Variants in MAP2K4 observed in about 807,000 individuals in gnomAD.
MAP2K4 encodes the protein mitogen-activated protein kinase kinase 4.
In MAP2K4, 4 loss-of-function variants were observed where a neutral mutation model predicts 48.5. That is an observed-to-expected ratio of 0.08 (90% CI 0.04 to 0.19). The LOEUF (loss-of-function observed/expected upper bound fraction) is 0.19. Among genes scored for constraint, MAP2K4 ranks in the 10% least tolerant of loss-of-function variants. The pLI, the probability that MAP2K4 is intolerant of heterozygous loss-of-function variation, is 1.00. For missense variants in MAP2K4, 258 were observed against 493.3 expected (o/e 0.52, Z 4.52); for synonymous variants, 166 against 173.1 (o/e 0.96, Z 0.32).
intron 2 of MAP2K4, among the ~76,000 whole-genome samples, chr17:12,069,273 GGATC>G (rs1210972334): frequency 2.6e-5 from 4 of 152,132 alleles, no homozygotes; most frequent in Non-Finnish European, 5.9e-5. Flanking sequence ...AACAGGGAAA[GGATC>G]TCATGAAAAC....
intron 9 of MAP2K4, 115 bp downstream of exon 9, chr17:12,129,402 C>T (rs1972958268): frequency 8.2e-7 from 1 of 1,226,662 alleles, no homozygotes; most frequent in Non-Finnish European, 1.2e-6. Flanking sequence ...TCACATCACC[C>T]TACTTTTCAA....
chr17:12,083,872 G>A (rs1305201374), intron 3 of MAP2K4, among the ~76,000 whole-genome samples: 1 of 152,158 alleles, frequency 6.6e-6, no homozygotes, highest in African/African-American at 2.4e-5. Flanking sequence ...CGGTTTTAAA[G>A]GAACCATGAG....
intron 2 of MAP2K4, among the ~76,000 whole-genome samples, chr17:12,076,787 A>G (rs1022318620): frequency 6.6e-6 from 1 of 152,086 alleles, no homozygotes; most frequent in Admixed American, 6.5e-5. Flanking sequence ...ACCAAGAATT[A>G]TTAGATGTGG....
At chr17:12,041,893 G>A (rs575268931) in intron 1 of MAP2K4, among the ~76,000 whole-genome samples, 3 of 152,118 alleles carry the variant, frequency 2.0e-5, no homozygotes, top group African/African-American at 7.2e-5. Context: ...AAGTCATGCC[G>A]ATGGAGGCTG....
chr17:12,080,145 A>G (rs1277632259), intron 2 of MAP2K4, among the ~76,000 whole-genome samples: 2 of 152,204 alleles, frequency 1.3e-5, no homozygotes, highest in Admixed American at 1.3e-4. Flanking sequence ...GGTAGATTTT[A>G]AAGTTCTAAG....
intron 2 of MAP2K4, among the ~76,000 whole-genome samples, chr17:12,080,162 GGGAACCTTAAA>G (rs1348038566): frequency 6.6e-6 from 1 of 152,090 alleles, no homozygotes; most frequent in Non-Finnish European, 1.5e-5. Flanking sequence ...TAAGTTTTTT[GGGAACCTTAAA>G]GGTTGCTACA....
chr17:12,056,879 T>C (rs1970296716), intron 2 of MAP2K4, among the ~76,000 whole-genome samples: 1 of 152,132 alleles, frequency 6.6e-6, no homozygotes, highest in Non-Finnish European at 1.5e-5. Context: ...TGTGGGAGTT[T>C]TGAAATAAGA....
At chr17:12,104,407 C>T (rs866836026) in intron 4 of MAP2K4, among the ~76,000 whole-genome samples, 1 of 152,044 alleles carries the variant, frequency 6.6e-6, no homozygotes, top group African/African-American at 2.4e-5. Context: ...AGTATGCCAT[C>T]AGCATTTACT....
At chr17:12,074,221 A>G (rs1015546807) in intron 2 of MAP2K4, among the ~76,000 whole-genome samples, 6 of 151,724 alleles carry the variant, frequency 4.0e-5, no homozygotes, top group Non-Finnish European at 8.8e-5. Context: ...TATTTTTGTC[A>G]TTTCTGGTCA....
At chr17:12,070,254 T>A (rs924645827) in intron 2 of MAP2K4, among the ~76,000 whole-genome samples, 2 of 151,460 alleles carry the variant, frequency 1.3e-5, no homozygotes, top group African/African-American at 2.4e-5. Context: ...GTTTGAGAAA[T>A]CAAGTTCTCA....
chr17:12,114,616 T>G (rs1414343855), intron 7 of MAP2K4, among the ~76,000 whole-genome samples: 3 of 152,180 alleles, frequency 2.0e-5, no homozygotes, highest in African/African-American at 7.2e-5. Flanking sequence ...ACATATTTAT[T>G]AAGGATACCC....
Position 12,141,295 on chromosome 17 carries a change from T to TGA in MAP2K4, c.*39_*40dup, listed in dbSNP as rs758163020. 9.1e-6 allele frequency: 13 copies of TGA among 1,431,968 alleles called. No individual in the cohort carries two copies. The highest frequency in any genetic ancestry group is 1.3e-5 in the Non-Finnish European group (13 of 1,014,254). 88.7% of individuals were successfully genotyped at this position (1,431,968 alleles called of 1,614,324 possible). A position where few individuals can be genotyped will look rare whatever the true frequency, so the allele number is the denominator to read the frequency against. ...TACATCAGACTCTAGAAAAAAGGGC[T>TGA]GAGAGGAAGCAAGACGTAAAGAATT... On this transcript the variant is annotated 3_prime_UTR_variant, in exon 11 of 11. Coordinates refer to ENST00000353533, the MANE Select transcript of MAP2K4 (RefSeq NM_003010.4).
At chr17:12,103,838 A>C (rs916663612) in intron 4 of MAP2K4, among the ~76,000 whole-genome samples, 1 of 152,162 alleles carries the variant, frequency 6.6e-6, no homozygotes, top group East Asian at 1.9e-4. Context: ...ATAGATTCGT[A>C]ATATACAGAT....
intron 5 of MAP2K4, among the ~76,000 whole-genome samples, chr17:12,109,687 G>T (rs1261720949): frequency 6.6e-6 from 1 of 152,188 alleles, no homozygotes; most frequent in African/African-American, 2.4e-5. Flanking sequence ...CATCCAATGA[G>T]GGTGGATGAT....
At chr17:12,047,466 A>T (rs1272024533) in intron 1 of MAP2K4, among the ~76,000 whole-genome samples, 1 of 152,176 alleles carries the variant, frequency 6.6e-6, no homozygotes, top group African/African-American at 2.4e-5. Context: ...CCCAAGAGAT[A>T]TTATATAGCT....
chr17:12,135,470 G>T (rs1249686994), intron 9 of MAP2K4, among the ~76,000 whole-genome samples: 1 of 152,218 alleles, frequency 6.6e-6, no homozygotes, highest in African/African-American at 2.4e-5. Flanking sequence ...AGGCTTAAGC[G>T]ATCCTCCTGC....
chr17:12,045,232 G>T (rs1350789461), intron 1 of MAP2K4, among the ~76,000 whole-genome samples: 4 of 151,894 alleles, frequency 2.6e-5, no homozygotes, highest in Non-Finnish European at 5.9e-5. Flanking sequence ...AGCACTGATT[G>T]AAAAAATATT....
intron 7 of MAP2K4, among the ~76,000 whole-genome samples, chr17:12,120,323 A>G (rs1223292653): frequency 1.3e-5 from 2 of 151,884 alleles, no homozygotes; most frequent in Non-Finnish European, 2.9e-5. Context: ...AGCCAGGCAC[A>G]GTGGCACATG....
intron 3 of MAP2K4, among the ~76,000 whole-genome samples, chr17:12,093,155 A>G (rs1241546498): frequency 6.6e-6 from 1 of 151,782 alleles, no homozygotes; most frequent in African/African-American, 2.4e-5. Flanking sequence ...TGATCTCTTG[A>G]AAAGCACAAT....
Sources: allele counts gnomAD v4.1 joint callset (sites outside exome capture counted in the v4.1 genomes callset), GRCh38; gene constraint gnomAD v4.1.1; transcripts MANE v1.5; gene names NCBI Gene and HGNC (gene_info 2026-07-23, HGNC 2026-07-21).